NT5DC4: variants seen among roughly 807,000 people sequenced by gnomAD.
NT5DC4 encodes the protein 5'-nucleotidase domain-containing protein 4.
Under a neutral mutation model 26.6 loss-of-function variants are expected in NT5DC4, and 44 were observed. That is an observed-to-expected ratio of 1.65 (90% CI 1.30 to 2.13). NT5DC4 has a LOEUF of 2.13. NT5DC4 is among the 30% of genes most tolerant of loss of function. The pLI is 0.00. For synonymous variants in NT5DC4, 157 were observed against 86.7 expected, an observed-to-expected ratio of 1.81 and a Z score of -4.51; for missense variants, 399 against 228.1, an observed-to-expected ratio of 1.75 and a Z score of -4.83.
chr2:112,723,361 G>GCACGCACACACACACACACA, intron 7 of NT5DC4, 57 bp from the exon 8 acceptor site: 3 of 636,794 alleles, frequency 4.7e-6, no homozygotes, highest in Non-Finnish European at 8.5e-6. Flanking sequence ...GGGTACACAT[G>GCACGCACACACACACACACA]CACACACACA....
At chr2:112,723,537 C>T (rs1229705572) in intron 8 of NT5DC4, 69 bp downstream of exon 8, 1 of 707,940 alleles carries the variant, frequency 1.4e-6, no homozygotes, top group Admixed American at 2.0e-5. Flanking sequence ...CGCAACCCTT[C>T]TCTGGCTTTC....
At chr2:112,742,467 GA>G, downstream of NT5DC4, 1 of 717,948 alleles carries the variant, frequency 1.4e-6, no homozygotes, top group Non-Finnish European at 2.6e-6. Flanking sequence ...AAGGAAGTGG[GA>G]CACTCCAGTC....
downstream of NT5DC4, among the ~76,000 whole-genome samples, chr2:112,741,881 C>T (rs1185567426): frequency 2.6e-5 from 4 of 151,526 alleles, no homozygotes; most frequent in Admixed American, 6.6e-5. Context: ...CTGCCTCAGC[C>T]TCCTGAGTAT....
intron 2 of NT5DC4, 26 bp downstream of exon 2, chr2:112,721,917 T>A: frequency 1.4e-6 from 1 of 717,352 alleles, no homozygotes; most frequent in Non-Finnish European, 2.6e-6. Context: ...ACACAGCGTA[T>A]TGGGAGCTGG....
In NT5DC4 at chr2:112,739,014, A is replaced by C; in HGVS notation, c.*78A>C. ...GACGAACGCCGTACAGGAGTGATAA[A>C]TTTCATGTCTTGCACTTCCGGCATC... On this transcript the variant is annotated 3_prime_UTR_variant, in exon 17 of 17. Coordinates refer to ENST00000688554, the MANE Select transcript of NT5DC4 (RefSeq NM_001393655.1). 1 of 1,614,154 alleles carries C rather than the reference A, an allele frequency of 6.2e-7. No individual in the cohort carries two copies. Among genetic ancestry groups the C allele is most frequent in the Non-Finnish European group, 8.5e-7 (1 of 1,180,002 alleles).
At chr2:112,740,550 T>C (rs1385405317), downstream of NT5DC4, among the ~76,000 whole-genome samples, 2 of 152,352 alleles carry the variant, frequency 1.3e-5, no homozygotes, top group Middle Eastern at 3.4e-3. Context: ...TGGGACTTTG[T>C]GCCCCATCTT....
chr2:112,740,854 T>C (rs764833990), downstream of NT5DC4: 1 of 1,613,362 alleles, frequency 6.2e-7, no homozygotes, highest in African/African-American at 1.3e-5. Flanking sequence ...GATACCAGGA[T>C]AATTATGCTG....
chr2:112,739,304 C>T (rs556157013), downstream of NT5DC4, among the ~76,000 whole-genome samples: 41 of 152,108 alleles, frequency 2.7e-4, no homozygotes, highest in African/African-American at 9.9e-4. Context: ...ACCTGTAATC[C>T]CAGCTACTCA....
At chr2:112,734,618 C>T (rs974009997) in intron 16 of NT5DC4, among the ~76,000 whole-genome samples, 6 of 152,154 alleles carry the variant, frequency 3.9e-5, no homozygotes, top group Non-Finnish European at 7.3e-5. Flanking sequence ...GGGTCACATG[C>T]GCATACTGGG....
At chr2:112,720,922 T>TC (rs1281192149), upstream of NT5DC4, among the ~76,000 whole-genome samples, 1 of 152,194 alleles carries the variant, frequency 6.6e-6, no homozygotes, top group Non-Finnish European at 1.5e-5. Flanking sequence ...GGCTGACTCC[T>TC]CCCTCAAAGG....
downstream of NT5DC4, chr2:112,742,560 A>G: frequency 2.8e-6 from 2 of 708,830 alleles, no homozygotes; most frequent in Admixed American, 4.2e-5. Context: ...TCAGCTGATG[A>G]CAATGGCTGA....
rs889815930 is a variant in NT5DC4, at chr2:112,723,740, G to T, written c.694G>T (p.Gly232Trp). ...KKDPRLPILLGKMKEVGKVFL... is the reference protein window; with the variant it reads ...KKDPRLPILLWKMKEVGKVFL... ...CCAGCCACGCCTCCCCATCCTGCTG[G>T]GGAAGATGAAGGAGGTTGGGAAAGT... The change falls in exon 9 of 17, where the codon GGG (glycine) becomes TGG (tryptophan). Residue 232 changes from glycine to tryptophan, a missense_variant. Transcript: ENST00000688554. 2 of 717,136 alleles carry T rather than the reference G, an allele frequency of 2.8e-6. No homozygotes were observed. Among genetic ancestry groups the T allele is most frequent in the African/African-American group, 3.5e-5 (2 of 57,246 alleles). 44.4% of individuals were successfully genotyped at this position (717,136 alleles called of 1,614,324 possible). A position where few individuals can be genotyped will look rare whatever the true frequency, so the allele number is the denominator to read the frequency against.
chr2:112,732,589 C>G (rs1441519695), intron 16 of NT5DC4, among the ~76,000 whole-genome samples: 1 of 152,222 alleles, frequency 6.6e-6, no homozygotes. Flanking sequence ...AGAGCCCATA[C>G]TTTTCCGGAA....
intron 16 of NT5DC4, among the ~76,000 whole-genome samples, chr2:112,734,599 G>A (rs1399714419): frequency 5.3e-5 from 8 of 152,200 alleles, no homozygotes; most frequent in Non-Finnish European, 7.4e-5. Context: ...GTTTGGCTTT[G>A]CCAGGACTGG....
At chr2:112,721,734 C>T (rs774053158) in intron 1 of NT5DC4, 84 bp from the exon 2 acceptor site, 79 of 716,448 alleles carry the variant, frequency 1.1e-4, no homozygotes, top group Non-Finnish European at 1.7e-4. Context: ...CCCTCCTCTG[C>T]GGGGTTTCCA....
At chr2:112,719,419 C>T (rs1676621176), upstream of NT5DC4, among the ~76,000 whole-genome samples, 1 of 143,402 alleles carries the variant, frequency 7.0e-6, no homozygotes, top group African/African-American at 2.5e-5. Context: ...GTGCCACCTT[C>T]ATTTAGTTTA....
At chr2:112,724,469 G>A in intron 10 of NT5DC4, 1 of 569,162 alleles carries the variant, frequency 1.8e-6, no homozygotes, top group Non-Finnish European at 3.2e-6. Context: ...TCACTGGGCA[G>A]GCAGCAGGGC....
intron 13 of NT5DC4, among the ~76,000 whole-genome samples, chr2:112,726,005 G>A (rs1677662230): frequency 6.6e-6 from 1 of 152,164 alleles, no homozygotes; most frequent in Non-Finnish European, 1.5e-5. Flanking sequence ...TCATTGCCGT[G>A]TGACCTCAGG....
downstream of NT5DC4, chr2:112,741,094 C>CAATG (rs1679917980): frequency 1.2e-6 from 1 of 848,358 alleles, no homozygotes; most frequent in Non-Finnish European, 1.9e-6. Context: ...TACATACATA[C>CAATG]AATGATTTCC....
Sources: gnomAD v4.1 joint callset for allele counts (sites outside exome capture counted in the v4.1 genomes callset) on GRCh38, gnomAD v4.1.1 for gene constraint, MANE v1.5 for transcripts, NCBI Gene and HGNC (gene_info 2026-07-23, HGNC 2026-07-21) for gene names.